FBXL2: variants seen among roughly 807,000 people sequenced by gnomAD.
The protein encoded by FBXL2 is F-box/LRR-repeat protein 2.
In FBXL2, 38 loss-of-function variants were observed where a neutral mutation model predicts 69.2. That is an observed-to-expected ratio of 0.55 (90% CI 0.42 to 0.72). The LOEUF (loss-of-function observed/expected upper bound fraction) is 0.72. FBXL2 is among the 30% of genes least tolerant of loss of function. FBXL2 has a pLI of 0.00. For synonymous variants in FBXL2, 192 were observed against 201.3 expected (o/e 0.95, Z 0.39); for missense variants, 354 against 520.3 (o/e 0.68, Z 3.11).
chr3:33,385,010 A>T (rs527728017), intron 14 of FBXL2, among the ~76,000 whole-genome samples: 1 of 152,188 alleles, frequency 6.6e-6, no homozygotes, highest in African/African-American at 2.4e-5. Context: ...CCTGGGCGAC[A>T]AGAGTGAAAC....
At chr3:33,295,137 A>G (rs1575104996) in intron 1 of FBXL2, among the ~76,000 whole-genome samples, 1 of 152,176 alleles carries the variant, frequency 6.6e-6, no homozygotes, top group East Asian at 1.9e-4. Flanking sequence ...AATTTTGCTC[A>G]CTTAAAAAGT....
intron 1 of FBXL2, among the ~76,000 whole-genome samples, chr3:33,294,620 G>C (rs765206874): frequency 6.6e-6 from 1 of 152,054 alleles, no homozygotes; most frequent in African/African-American, 2.4e-5. Context: ...AGAAGGATCA[G>C]TTGAGCCCAG....
At position 33,384,271 on chromosome 3, in the gene FBXL2, G is replaced by C. The variant is rs2043261637; in HGVS notation, c.1164+70G>C. ...CACCAAAGGAAAACATCAAGAATCA[G>C]ACCGGGGCTAGGCACGCGGTGGCTC... On this transcript the variant is annotated intron_variant, in intron 14 of 14. Transcript: ENST00000484457. 3 of 1,502,444 alleles carry C rather than the reference G, an allele frequency of 2.0e-6. No homozygotes were observed. The African/African-American group carries it at 4.1e-5, about 21-fold the overall frequency. The allele number at this position is 1,502,444 out of a possible 1,614,324, so 93.1% of individuals were successfully genotyped here. A position where few individuals can be genotyped will look rare whatever the true frequency, so the allele number is the denominator to read the frequency against.
chr3:33,282,381 G>C lies in FBXL2; in HGVS notation c.3+4866G>C, dbSNP rs181855476. ...TAGATGTGTGGTGTTATTTCTGAGG[G>C]CTCTGTTCTGTTCCATTGGTGTATA... On this transcript the variant is annotated intron_variant, in intron 1 of 14. Transcript: ENST00000484457. Among the ~76,000 whole-genome samples, 9 of 151,918 alleles carry C rather than the reference G, an allele frequency of 5.9e-5. No homozygotes were observed. The South Asian group carries it at 6.3e-4, about 11-fold the overall frequency.
At position 33,375,316 on chromosome 3, in the gene FBXL2, T is replaced by C; in HGVS notation, c.686T>C (p.Ile229Thr). 7.4e-6 allele frequency: 12 copies of C among 1,614,204 alleles called. No individual in the cohort carries two copies. Among genetic ancestry groups the C allele is most frequent in the Non-Finnish European group, 8.5e-6 (10 of 1,180,016 alleles). The change falls in exon 10 of 15, where the codon ATA (isoleucine) becomes ACA (threonine). Residue 229 changes from isoleucine (I) to threonine (T), a missense_variant. Ile to Thr is a moderately conservative substitution (Grantham distance 89, BLOSUM62 -1). Transcript: ENST00000484457. Reference protein sequence around the residue: ...SRITDEGVVQICRGCHRLQAL... With the variant: ...SRITDEGVVQTCRGCHRLQAL... ...ATCACGGATGAAGGTGTGGTGCAGA[T>C]ATGCAGGGGCTGTCACCGGCTACAG...
intron 2 of FBXL2, among the ~76,000 whole-genome samples, chr3:33,343,643 AATTAT>A (rs1226265162): frequency 6.6e-6 from 1 of 152,134 alleles, no homozygotes; most frequent in African/African-American, 2.4e-5. Context: ...GTGTAATAAT[AATTAT>A]ATTCAATCTT....
At chr3:33,329,783 G>A (rs539816802) in intron 2 of FBXL2, among the ~76,000 whole-genome samples, 2 of 152,230 alleles carry the variant, frequency 1.3e-5, no homozygotes, top group African/African-American at 4.8e-5. Context: ...TTTGAGACCA[G>A]GAGTTTGAGA....
intron 12 of FBXL2, chr3:33,397,713 G>C (rs933721156): frequency 2.0e-5 from 3 of 151,984 alleles, no homozygotes; most frequent in African/African-American, 7.3e-5. Flanking sequence ...GAATGGCAGA[G>C]AATCACACAT....
chr3:33,364,359 G>A (rs2041820093), intron 4 of FBXL2: 2 of 468,768 alleles, frequency 4.3e-6, no homozygotes, highest in Non-Finnish European at 7.7e-6. Flanking sequence ...TCAAAAGGCA[G>A]TGTACAGGTT....
chr3:33,294,701 G>A (rs2035576849), intron 1 of FBXL2, among the ~76,000 whole-genome samples: 1 of 151,896 alleles, frequency 6.6e-6, no homozygotes, highest in South Asian at 2.1e-4. Context: ...AAACTAGCTG[G>A]GTGTAGTGGC....
At chr3:33,319,709 A>C (rs1163008522) in intron 2 of FBXL2, among the ~76,000 whole-genome samples, 3 of 152,234 alleles carry the variant, frequency 2.0e-5, no homozygotes, top group Admixed American at 6.5e-5. Context: ...CATATTAACC[A>C]TGAATAACTT....
chr3:33,383,629 TA>T (rs2043206679), intron 13 of FBXL2: 1 of 241,718 alleles, frequency 4.1e-6, no homozygotes, highest in African/African-American at 2.2e-5. Flanking sequence ...CTCAAGGGGG[TA>T]AACTGAAATC....
At chr3:33,374,110 A>G (rs983562320) in intron 9 of FBXL2, among the ~76,000 whole-genome samples, 189 bp downstream of exon 9, 1 of 152,222 alleles carries the variant, frequency 6.6e-6, no homozygotes, top group South Asian at 2.1e-4. Context: ...ACAAAAAGGA[A>G]TCATACTCAA....
At chr3:33,390,121 G>A, downstream of FBXL2, 1 of 564,876 alleles carries the variant, frequency 1.8e-6, no homozygotes, top group South Asian at 2.8e-5. Context: ...ATGCTGTGCC[G>A]ATGTGCTCAC....
intron 2 of FBXL2, among the ~76,000 whole-genome samples, chr3:33,351,633 C>A (rs1419897890): frequency 1.3e-5 from 2 of 151,984 alleles, no homozygotes; most frequent in Admixed American, 1.3e-4. Context: ...AAATCCAAAT[C>A]AAAATTTTAC....
chr3:33,281,633 A>G (rs1367489648), intron 1 of FBXL2, among the ~76,000 whole-genome samples: 1 of 152,140 alleles, frequency 6.6e-6, no homozygotes, highest in African/African-American at 2.4e-5. Flanking sequence ...GTCTTCCACA[A>G]TGGTTGAACT....
chr3:33,398,156 T>C (rs2044080633), intron 12 of FBXL2: 1 of 152,198 alleles, frequency 6.6e-6, no homozygotes, highest in South Asian at 2.1e-4. Context: ...ACACCCAGGA[T>C]ACAGTTTATT....
chr3:33,376,549 C>G (rs536491740), intron 10 of FBXL2, among the ~76,000 whole-genome samples: 1 of 152,202 alleles, frequency 6.6e-6, no homozygotes, highest in Non-Finnish European at 1.5e-5. Flanking sequence ...AAATGTTATT[C>G]ATGCACCCAT....
intron 14 of FBXL2, 79 bp from the exon 15 acceptor site, chr3:33,385,422 A>T: frequency 1.6e-6 from 2 of 1,241,380 alleles, no homozygotes; most frequent in Non-Finnish European, 2.4e-6. Flanking sequence ...ATAGAGGACT[A>T]TAGGTTTTTC....
Sources: allele counts gnomAD v4.1 joint callset (sites outside exome capture counted in the v4.1 genomes callset), GRCh38; gene constraint gnomAD v4.1.1; transcripts MANE v1.5; gene names NCBI Gene and HGNC (gene_info 2026-07-23, HGNC 2026-07-21).